PRR16: variants seen among roughly 807,000 people sequenced by gnomAD.
PRR16 encodes proline rich 16.
Under a neutral mutation model 18.2 loss-of-function variants are expected in PRR16, and 6 were observed. The ratio of observed to expected loss-of-function variants is 0.33; its 90% CI spans 0.18 to 0.65. PRR16 has a LOEUF of 0.65. PRR16 is among the 30% of genes least tolerant of loss of function. The pLI, the probability that PRR16 is intolerant of heterozygous loss-of-function variation, is 0.74. For missense variants in PRR16, 412 were observed against 376.6 expected, an observed-to-expected ratio of 1.09 and a Z score of -0.78; for synonymous variants, 151 against 147.8, an observed-to-expected ratio of 1.02 and a Z score of -0.16.
the PRR16 span, among the ~76,000 whole-genome samples, chr5:120,699,000 C>G: frequency 2.0e-5 from 3 of 152,122 alleles, no homozygotes; most frequent in South Asian, 2.1e-4. Flanking sequence ...GTGGCCTTCT[C>G]AGACCCTGTA....
chr5:120,534,703 A>G (rs1255020833), intron 1 of PRR16, among the ~76,000 whole-genome samples: 1 of 152,200 alleles, frequency 6.6e-6, no homozygotes, highest in South Asian at 2.1e-4. Context: ...CTAAAGATTC[A>G]GTGAATTTCC....
At chr5:120,731,781 T>C in the PRR16 span, among the ~76,000 whole-genome samples, 1 of 152,218 alleles carries the variant, frequency 6.6e-6, no homozygotes, top group Non-Finnish European at 1.5e-5. Flanking sequence ...ATAGGACTGA[T>C]TCTGTTTGAA....
intron 1 of PRR16, among the ~76,000 whole-genome samples, chr5:120,581,219 G>T (rs1434127194): frequency 6.6e-6 from 1 of 152,162 alleles, no homozygotes; most frequent in African/African-American, 2.4e-5. Flanking sequence ...GGTCTATTCA[G>T]GGATTCAACT....
chr5:120,555,721 A>G (rs1752386578), intron 1 of PRR16, among the ~76,000 whole-genome samples: 1 of 151,722 alleles, frequency 6.6e-6, no homozygotes, highest in Non-Finnish European at 1.5e-5. Flanking sequence ...CATTTAGTCC[A>G]CAATAAGGCC....
At chr5:120,543,882 G>A (rs1751993871) in intron 1 of PRR16, among the ~76,000 whole-genome samples, 2 of 152,126 alleles carry the variant, frequency 1.3e-5, no homozygotes, top group African/African-American at 4.8e-5. Context: ...AGTCTCAGTT[G>A]CCTCATCTGT....
chr5:120,556,713 C>T (rs577237883), intron 1 of PRR16, among the ~76,000 whole-genome samples: 5 of 151,768 alleles, frequency 3.3e-5, no homozygotes, highest in Non-Finnish European at 7.4e-5. Flanking sequence ...ATTATAAAAA[C>T]CCTCTTCTTC....
the PRR16 span, among the ~76,000 whole-genome samples, chr5:120,763,982 G>A: frequency 1.3e-5 from 2 of 152,060 alleles, no homozygotes; most frequent in Admixed American, 6.6e-5. Context: ...TCGTCTAAAT[G>A]TAAGAGGATC....
chr5:120,627,070 A>G (rs535248670), intron 1 of PRR16, among the ~76,000 whole-genome samples: 1 of 152,116 alleles, frequency 6.6e-6, no homozygotes, highest in East Asian at 1.9e-4. Flanking sequence ...ACACTTCCTT[A>G]TAGTCAATCA....
chr5:120,560,864 T>C (rs1040232397), intron 1 of PRR16, among the ~76,000 whole-genome samples: 1 of 152,114 alleles, frequency 6.6e-6, no homozygotes, highest in Non-Finnish European at 1.5e-5. Context: ...GTAGGTTGTA[T>C]GTGTCTAGGA....
At chr5:120,690,928 C>T (rs1221700096), downstream of PRR16, among the ~76,000 whole-genome samples, 5 of 151,852 alleles carry the variant, frequency 3.3e-5, no homozygotes, top group African/African-American at 7.3e-5. Flanking sequence ...CTTTAAAATA[C>T]GGTTAAATCG....
intron 1 of PRR16, among the ~76,000 whole-genome samples, chr5:120,640,659 T>C (rs1459644867): frequency 1.3e-5 from 2 of 152,168 alleles, no homozygotes; most frequent in African/African-American, 4.8e-5. Context: ...ATTTAACTGC[T>C]GTTTTGTTCA....
chr5:120,768,008 A>C, the PRR16 span, among the ~76,000 whole-genome samples: 191 of 151,948 alleles, frequency 1.3e-3, no homozygotes, highest in African/African-American at 4.5e-3. Flanking sequence ...AACCATCACC[A>C]CAATCTAATT....
chr5:120,718,912 T>C, the PRR16 span, among the ~76,000 whole-genome samples: 4 of 152,166 alleles, frequency 2.6e-5, no homozygotes, highest in East Asian at 1.9e-4. Context: ...TAGAAGTGTA[T>C]AGGGAAAGCT....
rs918495643 is a variant in PRR16 at position 120,497,493 on chromosome 5, G to A, written c.159+32848G>A. Among the ~76,000 whole-genome samples, 14 of 145,402 alleles carry A rather than the reference G, an allele frequency of 9.6e-5. No homozygotes were observed. The East Asian group carries it at 2.6e-3, about 27-fold the overall frequency. On this transcript the variant is annotated intron_variant, in intron 1 of 1. Coordinates refer to ENST00000407149, the MANE Select transcript of PRR16 (RefSeq NM_001300783.2). ...GCAACCTCCGTCTCCTGGTTCACAC[G>A]ATTCTCCTGCCTCAGCCTCCCAAGT...
the PRR16 span, among the ~76,000 whole-genome samples, chr5:120,728,991 T>C: frequency 6.6e-6 from 1 of 152,134 alleles, no homozygotes; most frequent in Non-Finnish European, 1.5e-5. Context: ...CTAAGCCATT[T>C]TATTCTAACA....
At chr5:120,610,629 T>C (rs1162363492) in intron 1 of PRR16, among the ~76,000 whole-genome samples, 1 of 152,144 alleles carries the variant, frequency 6.6e-6, no homozygotes, top group Non-Finnish European at 1.5e-5. Context: ...TTTTGCTTAT[T>C]CCTCATTTTC....
At chr5:120,717,311 A>G in the PRR16 span, among the ~76,000 whole-genome samples, 1 of 152,324 alleles carries the variant, frequency 6.6e-6, no homozygotes, top group African/African-American at 2.4e-5. Flanking sequence ...AGCCAGAGGA[A>G]AAAAATAATT....
the PRR16 span, among the ~76,000 whole-genome samples, chr5:120,767,621 A>G: frequency 2.0e-5 from 3 of 151,908 alleles, no homozygotes; most frequent in Admixed American, 6.6e-5. Flanking sequence ...CTTTGATTGC[A>G]TAAAGTTTGG....
In PRR16 at chr5:120,482,054, C is replaced by T. The variant is rs539698408; in HGVS notation, c.159+17409C>T. Among the ~76,000 whole-genome samples the T allele has an allele frequency of 6.6e-5, 10 of 152,160 alleles. No homozygotes were observed. In the South Asian group the frequency reaches 1.0e-3, roughly 16 times the overall value. ...TTATTATCCAATTTAGTATGTTATACAAAGAATGAAAAATTTGTCACCTTT... is the reference window on the plus strand; with the variant it reads ...TTATTATCCAATTTAGTATGTTATATAAAGAATGAAAAATTTGTCACCTTT... On this transcript the variant is annotated intron_variant, in intron 1 of 1. Coordinates refer to ENST00000407149, the MANE Select transcript of PRR16 (RefSeq NM_001300783.2).
Sources: allele counts gnomAD v4.1 joint callset (sites outside exome capture counted in the v4.1 genomes callset), GRCh38; gene constraint gnomAD v4.1.1; transcripts MANE v1.5; gene names NCBI Gene and HGNC (gene_info 2026-07-23, HGNC 2026-07-21).